Variants in PDE10A observed in about 807,000 individuals in gnomAD.
The protein encoded by PDE10A is cAMP and cAMP-inhibited cGMP 3',5'-cyclic phosphodiesterase 10A.
PDE10A carries 39 observed loss-of-function variants against 97.7 expected under a neutral mutation model. The ratio of observed to expected loss-of-function variants is 0.40; its 90% CI spans 0.31 to 0.52. The LOEUF is 0.52. Among genes scored for constraint, PDE10A ranks in the 20% least tolerant of loss-of-function variants. The pLI is 0.56. For missense variants in PDE10A, 731 were observed against 1,047.8 expected (o/e 0.70, Z 4.17); for synonymous variants, 371 against 376.8 (o/e 0.98, Z 0.18).
chr6:165,479,328 A>G (rs569777959), intron 3 of PDE10A, among the ~76,000 whole-genome samples: 1 of 152,190 alleles, frequency 6.6e-6, no homozygotes, highest in Non-Finnish European at 1.5e-5. Flanking sequence ...TAGAAGACCT[A>G]AATACCCCCA....
At chr6:165,434,150 T>C (rs554382528) in intron 6 of PDE10A, among the ~76,000 whole-genome samples, 6 of 152,168 alleles carry the variant, frequency 3.9e-5, no homozygotes, top group East Asian at 3.9e-4. Flanking sequence ...CATGAAATAG[T>C]GTAACTCTGT....
At chr6:165,899,430 TC>T (rs1398318996) in intron 1 of PDE10A, among the ~76,000 whole-genome samples, 1 of 152,176 alleles carries the variant, frequency 6.6e-6, no homozygotes, top group Non-Finnish European at 1.5e-5. Flanking sequence ...TGACTGAGAG[TC>T]ACTGGGCCAG....
chr6:165,920,026 T>C lies in PDE10A; in HGVS notation c.-615+67503A>G, dbSNP rs140911336. Among the ~76,000 whole-genome samples, 227 of 152,356 alleles carry C rather than the reference T, an allele frequency of 1.5e-3. 2 individuals are homozygous for C. Among genetic ancestry groups the C allele is most frequent in the African/African-American group, 5.3e-3 (220 of 41,584 alleles). On this transcript the variant is annotated intron_variant, in intron 1 of 19. Transcript: ENST00000366882. ...GTCACCCTAAATCACTGCAATACTC[T>C]AGTCAGCAAACTACTGTTTCTTTGC... is the stretch of plus-strand genomic sequence containing the variant.
chr6:165,577,456 A>G (rs1050317561), intron 1 of PDE10A, among the ~76,000 whole-genome samples: 2 of 152,192 alleles, frequency 1.3e-5, no homozygotes, highest in African/African-American at 4.8e-5. Context: ...CTAGGGCTTC[A>G]GCACAGCAGG....
chr6:165,827,826 T>A (rs962818244), intron 1 of PDE10A, among the ~76,000 whole-genome samples: 3 of 152,140 alleles, frequency 2.0e-5, no homozygotes, highest in Non-Finnish European at 4.4e-5. Flanking sequence ...TTCCTCTGAG[T>A]CCCCAAAGTC....
At chr6:165,977,447 C>T (rs575884738) in intron 1 of PDE10A, among the ~76,000 whole-genome samples, 5 of 152,274 alleles carry the variant, frequency 3.3e-5, no homozygotes, top group Admixed American at 3.3e-4. Context: ...AAAGCAAGCA[C>T]AATACACCAC....
chr6:165,773,619 C>T (rs1489922027), intron 1 of PDE10A, among the ~76,000 whole-genome samples: 1 of 152,182 alleles, frequency 6.6e-6, no homozygotes, highest in Non-Finnish European at 1.5e-5. Context: ...AGGCCCCTGA[C>T]TCAAGCGCAT....
chr6:165,545,127 T>C lies in PDE10A; in HGVS notation c.866-1559A>G, dbSNP rs371842535. 5.7e-5 allele frequency: 28 copies of C among 493,932 alleles called. 1 individual carries two copies. Among genetic ancestry groups the C allele is most frequent in the African/African-American group, 4.8e-4 (24 of 50,090 alleles). 30.6% of individuals were successfully genotyped at this position (493,932 alleles called of 1,614,324 possible). A position where few individuals can be genotyped will look rare whatever the true frequency, so the allele number is the denominator to read the frequency against. On this transcript the variant is annotated intron_variant, in intron 1 of 21. Transcript: ENST00000539869. ...TCTTTAGGTCCTCCATATTCAATAT[T>C]GATTCCTTCTTAAAATTTCTTTCTG...
intron 18 of PDE10A, among the ~76,000 whole-genome samples, chr6:165,358,128 A>G (rs1209654394): frequency 6.6e-6 from 1 of 152,096 alleles, no homozygotes; most frequent in Non-Finnish European, 1.5e-5. Context: ...TTTTCCAGAT[A>G]GCTTATCATT....
chr6:165,541,622 C>CT (rs1191135295), intron 2 of PDE10A, among the ~76,000 whole-genome samples: 1 of 152,136 alleles, frequency 6.6e-6, no homozygotes, highest in Non-Finnish European at 1.5e-5. Flanking sequence ...AAATTTGCAT[C>CT]TTTTTTTATC....
chr6:165,519,539 G>A (rs1782012326), intron 2 of PDE10A, among the ~76,000 whole-genome samples: 1 of 151,820 alleles, frequency 6.6e-6, no homozygotes, highest in Non-Finnish European at 1.5e-5. Context: ...CCTGTGTACT[G>A]TCATCTACTT....
intron 1 of PDE10A, among the ~76,000 whole-genome samples, chr6:165,846,730 A>G (rs1044130094): frequency 2.0e-5 from 3 of 152,234 alleles, no homozygotes; most frequent in Non-Finnish European, 4.4e-5. Context: ...TTTGGAAACC[A>G]AATAAAAGCA....
intron 3 of PDE10A, among the ~76,000 whole-genome samples, chr6:165,463,278 A>AT (rs1306206546): frequency 1.3e-5 from 2 of 152,232 alleles, no homozygotes; most frequent in Non-Finnish European, 2.9e-5. Context: ...GGAGCTAAAC[A>AT]TAAGGATTTG....
At chr6:165,362,279 C>T (rs483088) in intron 18 of PDE10A, among the ~76,000 whole-genome samples, 71,174 of 151,776 alleles carry the variant, frequency 0.47, 17,600 homozygotes, top group African/African-American at 0.64. Flanking sequence ...ACAAAACTGA[C>T]AAACTTTTAA....
chr6:165,526,524 G>T (rs994640934), intron 2 of PDE10A, among the ~76,000 whole-genome samples: 3 of 152,182 alleles, frequency 2.0e-5, no homozygotes, highest in African/African-American at 7.2e-5. Context: ...TCACATCTCT[G>T]GAGGGACTGC....
At chr6:165,696,335 A>C (rs1399725333) in intron 1 of PDE10A, among the ~76,000 whole-genome samples, 1 of 152,158 alleles carries the variant, frequency 6.6e-6, no homozygotes, top group Non-Finnish European at 1.5e-5. Flanking sequence ...ATGAATCGTA[A>C]ATTTTAAATC....
chr6:165,380,001 G>A (rs370980067), intron 17 of PDE10A, among the ~76,000 whole-genome samples: 1 of 152,150 alleles, frequency 6.6e-6, no homozygotes, highest in African/African-American at 2.4e-5. Context: ...TCCCAAGGGA[G>A]GTGGGAATGG....
At position 165,655,188 on chromosome 6, in the gene PDE10A, G is replaced by A. The variant is rs1789878157; in HGVS notation, c.865+6759C>T. The stretch of plus-strand genomic sequence containing the variant: ...CCCTCAGAGTCAAAATGTCACTGAG[G>A]CATCTATATACTGTCCTTGGGGCAT... On this transcript the variant is annotated intron_variant, in intron 1 of 21. Transcript: ENST00000539869. This position sits in a 1 kb window ranked among gnomAD's most constrained non-coding sequence, Gnocchi z 4.5. 9.3e-6 allele frequency among the ~76,000 whole-genome samples: 1 copy of A among 108,012 alleles called. No homozygotes were observed. Among genetic ancestry groups the A allele is most frequent in the African/African-American group, 3.8e-5 (1 of 26,472 alleles). The allele number at this position is 108,012 out of a possible 152,430, so 70.9% of individuals were successfully genotyped here. A position where few individuals can be genotyped will look rare whatever the true frequency, so the allele number is the denominator to read the frequency against.
intron 1 of PDE10A, among the ~76,000 whole-genome samples, chr6:165,570,157 T>TAGTA (rs2128343982): frequency 6.6e-6 from 1 of 152,294 alleles, no homozygotes; most frequent in Non-Finnish European, 1.5e-5. Flanking sequence ...CCAATATGAC[T>TAGTA]AGTACCCTAA....
Sources: allele counts gnomAD v4.1 joint callset (sites outside exome capture counted in the v4.1 genomes callset), GRCh38; gene constraint gnomAD v4.1.1; non-coding constraint Gnocchi (gnomAD v3.1); transcripts MANE v1.5; gene names NCBI Gene and HGNC (gene_info 2026-07-23, HGNC 2026-07-21).